The following RAP1GAP2 variants were observed in gnomAD, a reference collection of about 807,000 sequenced individuals.
The protein encoded by RAP1GAP2 is RAP1 GTPase activating protein 2, also known as rap1 GTPase-activating protein 2.
In RAP1GAP2, 27 loss-of-function variants were observed where a neutral mutation model predicts 95.0. The observed-to-expected ratio is 0.28, with a 90% CI of 0.21 to 0.39. The LOEUF is 0.39. RAP1GAP2 is among the 10% of genes least tolerant of loss of function. RAP1GAP2 has a pLI of 1.00. For missense variants in RAP1GAP2, 771 were observed against 970.0 expected (o/e 0.79, Z 2.72); for synonymous variants, 373 against 380.9 (o/e 0.98, Z 0.24).
rs144604785 is a variant in RAP1GAP2 at position 2,946,950 on chromosome 17, T to C, written c.166-10809T>C. ...TTGTATTTTTAGTAGAAACAGGGTT[T>C]CTCCATGTTGGTCAGGCTGGTCTTG... On this transcript the variant is annotated intron_variant, in intron 3 of 24. Transcript: ENST00000254695. 6.0e-3 allele frequency among the ~76,000 whole-genome samples: 908 copies of C among 152,298 alleles called. 9 individuals are homozygous for C. Among genetic ancestry groups the C allele is most frequent in the African/African-American group, 0.02 (831 of 41,566 alleles).
At chr17:2,848,857 A>C (rs756789128) in intron 2 of RAP1GAP2, among the ~76,000 whole-genome samples, 1 of 152,020 alleles carries the variant, frequency 6.6e-6, no homozygotes, top group Non-Finnish European at 1.5e-5. Flanking sequence ...CCGACCTCAG[A>C]TGACTTCAAT....
chr17:2,896,011 G>A lies in RAP1GAP2; in HGVS notation c.81-9273G>A, dbSNP rs190616802. Among the ~76,000 whole-genome samples, 86 of 152,068 alleles carry A rather than the reference G, an allele frequency of 5.7e-4. No homozygotes were observed. In the East Asian group the frequency reaches 7.3e-3, roughly 13 times the overall value. ...CTGCTTCTGTGCCCTCCCCTTCCCC[G>A]CTTCTCCCGTAGGTCACTGCTGGCC... On this transcript the variant is annotated intron_variant, in intron 2 of 24. Transcript: ENST00000254695.
chr17:2,756,475 C>T (rs2071148758), intron 1 of RAP1GAP2, among the ~76,000 whole-genome samples: 1 of 152,204 alleles, frequency 6.6e-6, no homozygotes, highest in Admixed American at 6.5e-5. Flanking sequence ...GAACCCACGT[C>T]CCAGGGTTCC....
intron 24 of RAP1GAP2, among the ~76,000 whole-genome samples, chr17:3,032,736 A>G (rs190610279): frequency 1.3e-3 from 192 of 152,176 alleles, no homozygotes; most frequent in African/African-American, 2.7e-3. Context: ...GGAGTCGCCC[A>G]AGCCCGCTTC....
chr17:2,811,727 G>A (rs1214330180), intron 2 of RAP1GAP2, among the ~76,000 whole-genome samples: 7 of 152,108 alleles, frequency 4.6e-5, no homozygotes, highest in African/African-American at 7.2e-5. Flanking sequence ...ACAGGCATGC[G>A]CCACCATTTC....
At chr17:2,813,669 A>G (rs1275778264) in intron 2 of RAP1GAP2, among the ~76,000 whole-genome samples, 3 of 152,068 alleles carry the variant, frequency 2.0e-5, no homozygotes, top group Non-Finnish European at 4.4e-5. Context: ...GTGATAATGA[A>G]AATGTCTCCA....
chr17:2,865,141 C>A (rs1286364162), intron 2 of RAP1GAP2, among the ~76,000 whole-genome samples: 1 of 152,148 alleles, frequency 6.6e-6, no homozygotes, highest in African/African-American at 2.4e-5. Context: ...CTCCCACCAC[C>A]AATTATATGG....
intron 1 of RAP1GAP2, among the ~76,000 whole-genome samples, chr17:2,785,702 T>C (rs1013207585): frequency 1.5e-4 from 23 of 152,114 alleles, no homozygotes; most frequent in African/African-American, 4.8e-4. Context: ...GCTCGGTTCT[T>C]AAGACGCGAG....
At chr17:2,765,426 G>A (rs1160260600) in intron 1 of RAP1GAP2, among the ~76,000 whole-genome samples, 1 of 151,876 alleles carries the variant, frequency 6.6e-6, no homozygotes, top group Non-Finnish European at 1.5e-5. Context: ...ACCAGCCTGG[G>A]CAACATATTG....
In RAP1GAP2 at chr17:3,026,016, C is replaced by T; in HGVS notation, c.1760C>T (p.Thr587Ile). 3.1e-6 allele frequency: 5 copies of T among 1,612,258 alleles called. No homozygotes were observed. The highest frequency in any genetic ancestry group is 4.2e-6 in the Non-Finnish European group (5 of 1,178,380). ...QGDSRARCDS[T>I]SSTPKTPDGG... ...CATTTCCATTCCCTCAGTGACAGCA[C>T]ATCCAGCACACCCAAGACCCCAGAT... The change falls in exon 20 of 25, where the codon ACA (threonine) becomes ATA (isoleucine). Residue 587 changes from threonine (T) to isoleucine (I), a missense_variant. Transcript: ENST00000254695.
At chr17:2,993,601 A>T (rs1173529364) in intron 12 of RAP1GAP2, among the ~76,000 whole-genome samples, 1 of 151,674 alleles carries the variant, frequency 6.6e-6, no homozygotes, top group East Asian at 1.9e-4. Flanking sequence ...AATAAATAAA[A>T]AATAAAAGAT....
At chr17:2,921,000 T>G (rs1037364191) in intron 3 of RAP1GAP2, among the ~76,000 whole-genome samples, 2 of 152,088 alleles carry the variant, frequency 1.3e-5, no homozygotes, top group African/African-American at 4.8e-5. Context: ...CCTGCGTAGA[T>G]CTGTGCCTCA....
At chr17:2,828,338 C>CAAA (rs1350757486) in intron 2 of RAP1GAP2, among the ~76,000 whole-genome samples, 2 of 85,240 alleles carry the variant, frequency 2.3e-5, no homozygotes, top group Admixed American at 2.5e-4. Flanking sequence ...GACTCCATCT[C>CAAA]AAAAACAACA....
At chr17:2,769,232 TAAAA>T (rs58436827) in intron 1 of RAP1GAP2, among the ~76,000 whole-genome samples, 5 of 42,910 alleles carry the variant, frequency 1.2e-4, no homozygotes, top group East Asian at 9.0e-4. Flanking sequence ...ACCATTTCTC[TAAAA>T]AAAAAAAAAA....
At chr17:2,987,204 G>A (rs1027282455) in intron 11 of RAP1GAP2, among the ~76,000 whole-genome samples, 38 of 152,100 alleles carry the variant, frequency 2.5e-4, no homozygotes, top group African/African-American at 8.0e-4. Context: ...TCTAGAGTGC[G>A]GTGTTTCCCA....
rs1037230047 is a variant in RAP1GAP2, at chr17:2,904,413, A to C, written c.81-871A>C. Among the ~76,000 whole-genome samples, 1 of 152,200 alleles carries C rather than the reference A, an allele frequency of 6.6e-6. No homozygotes were observed. The highest frequency in any genetic ancestry group is 2.4e-5 in the African/African-American group (1 of 41,446). Reference sequence around the variant, plus strand: ...TTGTCGCAGTCATGTTGCCATGGTGACACAACTCTGTTTAGCTGCCTCTCT... The same window carrying C: ...TTGTCGCAGTCATGTTGCCATGGTGCCACAACTCTGTTTAGCTGCCTCTCT... On this transcript the variant is annotated intron_variant, in intron 2 of 24. Coordinates refer to ENST00000254695, the MANE Select transcript of RAP1GAP2 (RefSeq NM_015085.5). This position sits in a 1 kb window ranked among gnomAD's most constrained non-coding sequence, Gnocchi z 4.7.
chr17:2,990,212 T>C (rs1318805221), intron 11 of RAP1GAP2, among the ~76,000 whole-genome samples: 1 of 152,220 alleles, frequency 6.6e-6, no homozygotes, highest in Non-Finnish European at 1.5e-5. Context: ...ATGCATACAT[T>C]TTCTGTGGAC....
In RAP1GAP2 at chr17:2,893,596, G is replaced by C. The variant is rs1017728401; in HGVS notation, c.81-11688G>C. On this transcript the variant is annotated intron_variant, in intron 2 of 24. Transcript: ENST00000254695. ...TCCAGGTGAAGGGCGTTTACGGGCTGGGAAAATGCTGATAGCCCACACCTT... is the reference window on the plus strand; with the variant it reads ...TCCAGGTGAAGGGCGTTTACGGGCTCGGAAAATGCTGATAGCCCACACCTT... 2.0e-5 allele frequency among the ~76,000 whole-genome samples: 3 copies of C among 152,348 alleles called. No homozygotes were observed. In the South Asian group the frequency reaches 6.2e-4, roughly 32 times the overall value.
chr17:3,004,351 T>A lies in RAP1GAP2; in HGVS notation c.1201-1018T>A, dbSNP rs752591883. 1.3e-5 allele frequency among the ~76,000 whole-genome samples: 2 copies of A among 152,200 alleles called. No homozygotes were observed. Among genetic ancestry groups the A allele is most frequent in the African/African-American group, 2.4e-5 (1 of 41,458 alleles). ...TCCCCTCCGGACTCTGGCAGGGCCT[T>A]TCCTTGGCTCGGTGCCCAGCTGCCT... On this transcript the variant is annotated intron_variant, in intron 14 of 24. Coordinates refer to ENST00000254695, the MANE Select transcript of RAP1GAP2 (RefSeq NM_015085.5). The surrounding 1 kb of genome is among the most constrained non-coding windows in gnomAD (Gnocchi z 4.1).
Sources: allele counts gnomAD v4.1 joint callset (sites outside exome capture counted in the v4.1 genomes callset), GRCh38; gene constraint gnomAD v4.1.1; non-coding constraint Gnocchi (gnomAD v3.1); transcripts MANE v1.5; gene names NCBI Gene and HGNC (gene_info 2026-07-23, HGNC 2026-07-21).